Variants in CNTLN observed in about 807,000 individuals in gnomAD.
CNTLN encodes the protein centlein.
A neutral mutation model predicts 180.0 loss-of-function variants in CNTLN; 212 were observed. The ratio of observed to expected loss-of-function variants is 1.18; its 90% CI spans 1.05 to 1.32. CNTLN has a LOEUF of 1.32. Among genes scored for constraint, CNTLN ranks in the 40% most tolerant of loss-of-function variants. The pLI, the probability that CNTLN is intolerant of heterozygous loss-of-function variation, is 0.00. For synonymous variants in CNTLN, 722 were observed against 563.1 expected (o/e 1.28, Z -3.99); for missense variants, 2,095 against 1,610.9 (o/e 1.30, Z -5.14).
Position 17,394,975 on chromosome 9 carries a change from C to A in CNTLN, c.2521C>A (p.Arg841Ser). The A allele has an allele frequency of 6.2e-7, 1 of 1,613,692 alleles. No homozygotes were observed. The highest frequency in any genetic ancestry group is 8.5e-7 in the Non-Finnish European group (1 of 1,179,702). Residue 841 changes from arginine (R) to serine (S), a missense_variant, in exon 15 of 26, where the codon CGT becomes AGT. Arg to Ser is a moderately radical substitution (Grantham distance 110, BLOSUM62 -1). Transcript: ENST00000380647. Reference sequence around the variant, plus strand: ...TGCGAAGAAAAATTGCTCTGTGGGTCGTCACCACACTGTTCTCAATCATTC... The same window carrying A: ...TGCGAAGAAAAATTGCTCTGTGGGTAGTCACCACACTGTTCTCAATCATTC... ...KAAKKNCSVG[R>S]HHTVLNHSIK...
In CNTLN at chr9:17,241,804, T is replaced by A. The variant is rs1467868344; in HGVS notation, c.849+5216T>A. On this transcript the variant is annotated intron_variant, in intron 5 of 25. Coordinates refer to ENST00000380647, the MANE Select transcript of CNTLN (RefSeq NM_017738.4). ...TTAATTCCTAGGTATATAATTTTATTTGTAGCTATCATAAGTAGGATTACT... is the reference window on the plus strand; with the variant it reads ...TTAATTCCTAGGTATATAATTTTATATGTAGCTATCATAAGTAGGATTACT... Among the ~76,000 whole-genome samples, 8 of 152,204 alleles carry A rather than the reference T, an allele frequency of 5.3e-5. 1 individual carries two copies. In the South Asian group the frequency reaches 1.4e-3, roughly 28 times the overall value.
chr9:17,210,163 A>G (rs1823191996), intron 2 of CNTLN, among the ~76,000 whole-genome samples: 1 of 152,176 alleles, frequency 6.6e-6, no homozygotes, highest in East Asian at 1.9e-4. Flanking sequence ...TGCTGCACCC[A>G]TTAACTCGTC....
In CNTLN at chr9:17,302,095, CACACACACACACACACACACACACAG is replaced by C. The variant is rs1403805192; in HGVS notation, c.1146+3756_1146+3781del. ...TACTGACTACACATATGTGTACACACACACACACACACACACACACACACAGACACACACACACTGACCTATCCACC... is the reference window on the plus strand; with the variant it reads ...TACTGACTACACATATGTGTACACACACACACACACACTGACCTATCCACC... On this transcript the variant is annotated intron_variant, in intron 7 of 25. Transcript: ENST00000380647. 129 of 901,638 alleles carry C rather than the reference CACACACACACACACACACACACACAG, an allele frequency of 1.4e-4. No individual in the cohort carries two copies. The East Asian group carries it at 0.013, about 91-fold the overall frequency. 55.9% of individuals were successfully genotyped at this position (901,638 alleles called of 1,614,324 possible). A position where few individuals can be genotyped will look rare whatever the true frequency, so the allele number is the denominator to read the frequency against.
At chr9:17,235,262 A>G (rs1450938569) in intron 3 of CNTLN, among the ~76,000 whole-genome samples, 6 of 152,194 alleles carry the variant, frequency 3.9e-5, no homozygotes, top group Non-Finnish European at 5.9e-5. Flanking sequence ...CTTTTACAAA[A>G]TCATAGTTTA....
chr9:17,425,490 T>G (rs1450385346), intron 18 of CNTLN, among the ~76,000 whole-genome samples: 3 of 152,218 alleles, frequency 2.0e-5, no homozygotes, highest in Non-Finnish European at 2.9e-5. Context: ...ATTTCTGTTC[T>G]TTTAGCAACC....
chr9:17,269,820 A>T (rs888848575), intron 5 of CNTLN, among the ~76,000 whole-genome samples: 3 of 152,124 alleles, frequency 2.0e-5, no homozygotes, highest in African/African-American at 7.2e-5. Context: ...TTTTGGTTCT[A>T]GACCACCACA....
intron 13 of CNTLN, among the ~76,000 whole-genome samples, chr9:17,384,416 T>C (rs1302723008): frequency 2.0e-5 from 3 of 152,208 alleles, no homozygotes; most frequent in African/African-American, 4.8e-5. Flanking sequence ...CTAATTGTCT[T>C]TGAATTTTCA....
chr9:17,143,591 G>T (rs912798472), intron 2 of CNTLN, among the ~76,000 whole-genome samples: 1 of 152,146 alleles, frequency 6.6e-6, no homozygotes, highest in Non-Finnish European at 1.5e-5. Context: ...TGACATATTT[G>T]GAGAGTGTGT....
intron 2 of CNTLN, among the ~76,000 whole-genome samples, chr9:17,193,705 CT>C (rs1195744047): frequency 6.6e-6 from 1 of 152,154 alleles, no homozygotes; most frequent in East Asian, 1.9e-4. Flanking sequence ...GATTACCATT[CT>C]GGCATTTGGA....
intron 8 of CNTLN, among the ~76,000 whole-genome samples, chr9:17,314,079 G>T (rs991091701): frequency 1.3e-5 from 2 of 152,156 alleles, no homozygotes; most frequent in African/African-American, 4.8e-5. Flanking sequence ...ATATTATTCA[G>T]ATTAGATAGT....
chr9:17,255,363 T>C (rs1826410270), intron 5 of CNTLN, among the ~76,000 whole-genome samples: 1 of 151,804 alleles, frequency 6.6e-6, no homozygotes, highest in South Asian at 2.1e-4. Flanking sequence ...AGCTTCCTTC[T>C]ATTCCTAGTT....
At chr9:17,404,205 T>A (rs1827200040) in intron 15 of CNTLN, among the ~76,000 whole-genome samples, 1 of 151,818 alleles carries the variant, frequency 6.6e-6, no homozygotes, top group Admixed American at 6.6e-5. Flanking sequence ...TAGGCTCCGT[T>A]ATGGCACCAG....
downstream of CNTLN, among the ~76,000 whole-genome samples, chr9:17,505,836 A>G (rs766078028): frequency 6.6e-6 from 1 of 152,182 alleles, no homozygotes; most frequent in African/African-American, 2.4e-5. Context: ...AACTAAGAGC[A>G]TAATAGTGGG....
chr9:17,243,076 C>T (rs1190858812), intron 5 of CNTLN, among the ~76,000 whole-genome samples: 1 of 152,090 alleles, frequency 6.6e-6, no homozygotes, highest in Non-Finnish European at 1.5e-5. Flanking sequence ...TTGTATGTGT[C>T]TATGAATTTG....
intron 6 of CNTLN, among the ~76,000 whole-genome samples, chr9:17,275,541 C>T (rs1828255180): frequency 6.6e-6 from 1 of 152,060 alleles, no homozygotes; most frequent in Non-Finnish European, 1.5e-5. Flanking sequence ...AATATAACAT[C>T]TGGAACTGCA....
At chr9:17,442,586 A>G (rs1008425292) in intron 18 of CNTLN, among the ~76,000 whole-genome samples, 2 of 152,046 alleles carry the variant, frequency 1.3e-5, no homozygotes, top group African/African-American at 4.8e-5. Context: ...TTTTGGAGAG[A>G]CAAGGTTTCG....
intron 7 of CNTLN, chr9:17,299,397 TA>T (rs1290286824): frequency 1.2e-4 from 115 of 931,774 alleles, no homozygotes; most frequent in Non-Finnish European, 1.4e-4. Flanking sequence ...GGTTAAATAA[TA>T]CACAGTTCAT....
chr9:17,467,934 T>C (rs892366816), intron 23 of CNTLN, among the ~76,000 whole-genome samples: 1 of 151,642 alleles, frequency 6.6e-6, no homozygotes, highest in East Asian at 1.9e-4. Flanking sequence ...TAAAGACACA[T>C]GCATGCGTAT....
chr9:17,421,410 C>T (rs1457227038), intron 18 of CNTLN, among the ~76,000 whole-genome samples: 1 of 151,888 alleles, frequency 6.6e-6, no homozygotes, highest in African/African-American at 2.4e-5. Context: ...TTGGTTTCCA[C>T]TTCATGGAAT....
Sources: allele counts gnomAD v4.1 joint callset (sites outside exome capture counted in the v4.1 genomes callset), GRCh38; gene constraint gnomAD v4.1.1; transcripts MANE v1.5; gene names NCBI Gene and HGNC (gene_info 2026-07-23, HGNC 2026-07-21).